Variants in OXR1 observed in about 807,000 individuals in gnomAD.
OXR1 encodes oxidation resistance protein 1.
In OXR1, 41 loss-of-function variants were observed where a neutral mutation model predicts 104.6. The observed-to-expected ratio is 0.39, with a 90% CI of 0.31 to 0.51. The LOEUF is 0.51. Ranked by LOEUF, OXR1 falls within the 20% of genes least tolerant of loss-of-function variation. The probability of loss-of-function intolerance (pLI) is 0.77; values close to 1 mark genes in which losing one functional copy is unlikely to be tolerated. For missense variants in OXR1, 955 were observed against 1,031.9 expected, an observed-to-expected ratio of 0.93 and a Z score of 1.02; for synonymous variants, 348 against 348.4, an observed-to-expected ratio of 1.00 and a Z score of 0.01.
chr8:106,503,196 C>A (rs1392548337), intron 2 of OXR1, among the ~76,000 whole-genome samples: 1 of 152,098 alleles, frequency 6.6e-6, no homozygotes, highest in African/African-American at 2.4e-5. Context: ...TCCATTTACA[C>A]CTTCTTTGGC....
rs374587147 is a variant in OXR1 at position 106,578,820 on chromosome 8, A to G, written c.220+59681A>G. Among the ~76,000 whole-genome samples the G allele has an allele frequency of 3.0e-4, 45 of 152,262 alleles. 1 individual carries two copies. The highest frequency in any genetic ancestry group is 1.1e-3 in the African/African-American group (44 of 41,554). Reference sequence around the variant, plus strand: ...AGTCAGCACACCTGGTTATATATTCATCAGCTCAGTGGTATTTACATGGTG... The same window carrying G: ...AGTCAGCACACCTGGTTATATATTCGTCAGCTCAGTGGTATTTACATGGTG... On this transcript the variant is annotated intron_variant, in intron 3 of 16. Transcript: ENST00000517566.
chr8:106,298,080 A>T (rs775647830), intron 1 of OXR1, among the ~76,000 whole-genome samples: 1 of 152,300 alleles, frequency 6.6e-6, no homozygotes, highest in East Asian at 1.9e-4. Flanking sequence ...AATAAGTATG[A>T]TTTGTTTCTC....
intron 2 of OXR1, among the ~76,000 whole-genome samples, chr8:106,371,169 A>T (rs1326277030): frequency 6.6e-6 from 1 of 151,414 alleles, no homozygotes; most frequent in African/African-American, 2.4e-5. Context: ...TTTCTTCTAG[A>T]TTTTCTAGTT....
intron 11 of OXR1, among the ~76,000 whole-genome samples, chr8:106,714,922 T>C (rs984277601): frequency 3.3e-5 from 5 of 152,166 alleles, no homozygotes; most frequent in East Asian, 1.9e-4. Context: ...CTGTGTAGTA[T>C]ATACAGCATC....
intron 1 of OXR1, among the ~76,000 whole-genome samples, chr8:106,341,753 T>C (rs10283010): frequency 0.24 from 36,681 of 152,038 alleles, 7,194 homozygotes; most frequent in African/African-American, 0.54. Flanking sequence ...TTCCCATTTC[T>C]GTATTTAAAA....
At position 106,447,847 on chromosome 8, in the gene OXR1, T is replaced by C. The variant is rs1820078457; in HGVS notation, c.24-71096T>C. 44 of 1,420,078 alleles carry C rather than the reference T, an allele frequency of 3.1e-5. No homozygotes were observed. The South Asian group carries it at 6.7e-4, about 22-fold the overall frequency. 88.0% of individuals were successfully genotyped at this position (1,420,078 alleles called of 1,614,324 possible). ...CTTGCTGTGTGGGATTTGGGTCTCTTTTTGCCTTAGATGTTGGTCTGATAC... is the reference window on the plus strand; with the variant it reads ...CTTGCTGTGTGGGATTTGGGTCTCTCTTTGCCTTAGATGTTGGTCTGATAC... On this transcript the variant is annotated intron_variant, in intron 2 of 16. Coordinates refer to ENST00000517566, the MANE Select transcript of OXR1 (RefSeq NM_001198533.2).
chr8:106,684,455 G>T (rs1828494084), intron 6 of OXR1, 96 bp downstream of exon 6: 3 of 660,344 alleles, frequency 4.5e-6, no homozygotes, highest in Non-Finnish European at 8.1e-6. Flanking sequence ...ACTATGGTTA[G>T]AATGAAATAT....
At chr8:106,577,556 A>AT (rs1330150617) in intron 3 of OXR1, among the ~76,000 whole-genome samples, 2 of 151,492 alleles carry the variant, frequency 1.3e-5, no homozygotes, top group South Asian at 2.1e-4. Context: ...CGCCCGGCTA[A>AT]TTTTTTGTAT....
intron 2 of OXR1, among the ~76,000 whole-genome samples, chr8:106,470,897 A>G (rs1586684103): frequency 6.6e-6 from 1 of 151,840 alleles, no homozygotes; most frequent in Non-Finnish European, 1.5e-5. Flanking sequence ...ATAACTGACC[A>G]TTAGGTTTAG....
intron 1 of OXR1, among the ~76,000 whole-genome samples, chr8:106,286,423 A>G (rs983934806): frequency 6.8e-6 from 1 of 147,766 alleles, no homozygotes; most frequent in East Asian, 1.9e-4. Flanking sequence ...AATGCTGCCT[A>G]AACTGTCCCT....
At chr8:106,521,399 G>A (rs923066546) in intron 3 of OXR1, among the ~76,000 whole-genome samples, 1 of 152,152 alleles carries the variant, frequency 6.6e-6, no homozygotes, top group African/African-American at 2.4e-5. Flanking sequence ...TAAAGATGGG[G>A]TCATGAGCTG....
intron 3 of OXR1, among the ~76,000 whole-genome samples, chr8:106,641,047 CAA>C (rs1386245719): frequency 6.6e-6 from 1 of 152,198 alleles, no homozygotes; most frequent in Non-Finnish European, 1.5e-5. Context: ...TATAACTCTA[CAA>C]GTTATCAAAT....
chr8:106,405,386 T>G (rs1384774835), intron 2 of OXR1, among the ~76,000 whole-genome samples: 11 of 151,902 alleles, frequency 7.2e-5, no homozygotes, highest in Non-Finnish European at 1.5e-4. Context: ...GAAGACCTGA[T>G]AACTGGGAGC....
chr8:106,312,745 A>T (rs1035342422), intron 1 of OXR1, among the ~76,000 whole-genome samples: 11 of 152,368 alleles, frequency 7.2e-5, no homozygotes, highest in African/African-American at 2.6e-4. Flanking sequence ...TATAAAGCTT[A>T]AATTAAAACC....
rs563895632 is a variant in OXR1, at chr8:106,675,609, T to C, written c.221-3601T>C. 5.8e-4 allele frequency among the ~76,000 whole-genome samples: 89 copies of C among 152,368 alleles called. 1 individual carries two copies. Among genetic ancestry groups the C allele is most frequent in the Non-Finnish European group, 9.0e-4 (61 of 68,032 alleles). ...CAGTTTCCATGTAATTGTATAGTTT[T>C]GAGTGAATTTCTTAGTCTAATTTTT... On this transcript the variant is annotated intron_variant, in intron 3 of 16. Coordinates refer to ENST00000517566, the MANE Select transcript of OXR1 (RefSeq NM_001198533.2).
At chr8:106,463,986 A>C (rs765114331) in intron 2 of OXR1, among the ~76,000 whole-genome samples, 1 of 152,084 alleles carries the variant, frequency 6.6e-6, no homozygotes, top group Admixed American at 6.6e-5. Context: ...AGATCGTTCC[A>C]ATTGCAGAAT....
intron 2 of OXR1, among the ~76,000 whole-genome samples, chr8:106,458,561 G>T (rs1199154253): frequency 3.3e-5 from 5 of 152,122 alleles, no homozygotes; most frequent in Non-Finnish European, 7.4e-5. Flanking sequence ...ACCTAGTGGA[G>T]CCATGAGAGT....
At chr8:106,274,097 A>T (rs1811928624) in intron 1 of OXR1, among the ~76,000 whole-genome samples, 2 of 152,220 alleles carry the variant, frequency 1.3e-5, no homozygotes, top group Admixed American at 6.5e-5. Context: ...TCCAAAATGA[A>T]ATCTTAGTAT....
intron 1 of OXR1, among the ~76,000 whole-genome samples, chr8:106,337,248 G>T (rs745481055): frequency 2.6e-5 from 4 of 152,058 alleles, no homozygotes; most frequent in Non-Finnish European, 5.9e-5. Context: ...TAATTCTGTG[G>T]CCTAGATAGG....
Sources: gnomAD v4.1 joint callset for allele counts (sites outside exome capture counted in the v4.1 genomes callset) on GRCh38, gnomAD v4.1.1 for gene constraint, MANE v1.5 for transcripts, NCBI Gene and HGNC (gene_info 2026-07-23, HGNC 2026-07-21) for gene names.